The following GON4L variants were observed in gnomAD, a reference collection of about 807,000 sequenced individuals.
GON4L encodes gon-4 like, also known as GON-4-like protein.
GON4L carries 87 observed loss-of-function variants against 211.8 expected under a neutral mutation model. The ratio of observed to expected loss-of-function variants is 0.41; its 90% CI spans 0.35 to 0.49. GON4L has a LOEUF of 0.49. GON4L is among the 20% of genes least tolerant of loss of function. The pLI is 0.15. For missense variants in GON4L, 2,155 were observed against 2,659.5 expected (o/e 0.81, Z 4.17); for synonymous variants, 875 against 962.6 (o/e 0.91, Z 1.68).
At chr1:155,811,518 G>C (rs1348992339) in intron 10 of GON4L, among the ~76,000 whole-genome samples, 1 of 151,314 alleles carries the variant, frequency 6.6e-6, no homozygotes, top group Non-Finnish European at 1.5e-5. Flanking sequence ...CACTCTGGGA[G>C]GCTAAGGTGG....
chr1:155,836,439 A>G (rs958606751), intron 2 of GON4L, among the ~76,000 whole-genome samples: 4 of 151,898 alleles, frequency 2.6e-5, no homozygotes, highest in Admixed American at 1.3e-4. Flanking sequence ...TAGTAGAGAC[A>G]GGGTTTCACC....
chr1:155,779,114 C>T (rs1345777905), intron 14 of GON4L, among the ~76,000 whole-genome samples: 2 of 151,162 alleles, frequency 1.3e-5, no homozygotes, highest in Non-Finnish European at 2.9e-5. Flanking sequence ...ATTAGCTGGG[C>T]GCAGTCGTGG....
chr1:155,857,663 A>T (rs896955001), upstream of GON4L, among the ~76,000 whole-genome samples: 1 of 151,926 alleles, frequency 6.6e-6, no homozygotes, highest in Admixed American at 6.6e-5. Context: ...CGGGAGACGG[A>T]GGTGGCAGTG....
At chr1:155,775,518 G>GA (rs1663705883) in intron 16 of GON4L, among the ~76,000 whole-genome samples, 1 of 151,036 alleles carries the variant, frequency 6.6e-6, no homozygotes, top group Non-Finnish European at 1.5e-5. Flanking sequence ...GTAGTGGTGC[G>GA]ATCTTGACTC....
intron 14 of GON4L, among the ~76,000 whole-genome samples, chr1:155,782,131 T>C (rs1664481820): frequency 6.6e-6 from 1 of 151,756 alleles, no homozygotes; most frequent in Non-Finnish European, 1.5e-5. Context: ...CCAGGGTTTT[T>C]GTTTTGTTCT....
Position 155,766,802 on chromosome 1 carries a change from T to C in GON4L, c.2764-93A>G, listed in dbSNP as rs1662544497. The C allele has an allele frequency of 2.5e-6, 4 of 1,587,112 alleles. No homozygotes were observed. In the Admixed American group the frequency reaches 5.0e-5, roughly 20 times the overall value. On this transcript the variant is annotated intron_variant, in intron 20 of 31. Transcript: ENST00000368331. ...GGCTCACGCCTGTAATCCCAGCACT[T>C]TGGGAGGCTGAAGTGGGCAGATCAC...
At chr1:155,820,444 A>G (rs1668630385) in intron 6 of GON4L, among the ~76,000 whole-genome samples, 162 bp downstream of exon 6, 1 of 152,202 alleles carries the variant, frequency 6.6e-6, no homozygotes, top group Admixed American at 6.5e-5. Flanking sequence ...TATGATTATC[A>G]TAGCTTATGA....
chr1:155,745,597 A>C (rs985000566), downstream of GON4L, among the ~76,000 whole-genome samples: 3 of 152,212 alleles, frequency 2.0e-5, no homozygotes, highest in African/African-American at 7.2e-5. Flanking sequence ...AGCAGGAGCA[A>C]CGGCGTGGCC....
intron 14 of GON4L, among the ~76,000 whole-genome samples, chr1:155,782,102 G>A (rs1449130740): frequency 6.6e-6 from 1 of 152,212 alleles, no homozygotes; most frequent in East Asian, 1.9e-4. Context: ...GACAAGGGAA[G>A]CACAGATAAC....
Position 155,756,984 on chromosome 1 carries a change from C to A in GON4L, c.5491G>T (p.Glu1831Ter), listed in dbSNP as rs1472798455. 6.2e-7 allele frequency: 1 copy of A among 1,613,488 alleles called. No homozygotes were observed. Among genetic ancestry groups the A allele is most frequent in the African/African-American group, 1.3e-5 (1 of 74,874 alleles). The change falls in exon 27 of 32, where the codon GAG becomes TAG. Residue 1831 changes from glutamate (E) to a stop codon, truncating the protein, a stop_gained. Coordinates refer to ENST00000368331, the MANE Select transcript of GON4L (RefSeq NM_001282860.2). LOFTEE classifies it high-confidence loss of function. ...PTASKNKRKK[E>*]IGVQNHDKET... is the part of the protein sequence containing the mutation. ...TTATCATGATTTTGGACCCCGATCT[C>A]TTTTTTCCTCTTGTTCTTTGAGGCT...
chr1:155,748,113 T>A, downstream of GON4L: 1 of 1,604,302 alleles, frequency 6.2e-7, no homozygotes, highest in Non-Finnish European at 8.5e-7. Flanking sequence ...CAACTTCCCT[T>A]ACCTGCATTA....
intron 2 of GON4L, among the ~76,000 whole-genome samples, chr1:155,832,067 G>T (rs551615224): frequency 6.6e-6 from 1 of 151,944 alleles, no homozygotes; most frequent in East Asian, 1.9e-4. Context: ...TTGAGATCAG[G>T]AGTTCAAGAC....
intron 6 of GON4L, among the ~76,000 whole-genome samples, chr1:155,816,608 C>A (rs184801327): frequency 6.6e-6 from 1 of 152,054 alleles, no homozygotes; most frequent in Non-Finnish European, 1.5e-5. Context: ...ACTACACAAA[C>A]CTAAGATATT....
At position 155,853,474 on chromosome 1, in the gene GON4L, T is replaced by C. The variant is rs1671998466; in HGVS notation, c.307A>G (p.Ile103Val). ...AAAGACTCCAAGGAAGGTAGGGTGA[T>C]TCCCTGAGAGATGGCCACATCAACA... ...EGVDVAISQG[I>V]TLPSLESFHP... The change falls in exon 2 of 32, where the codon ATC becomes GTC. Residue 103 changes from isoleucine to valine, a missense_variant. Physicochemically the swap from Ile to Val is conservative, Grantham distance 29. This residue lies in a region of GON4L where 313 missense variants were observed against 293.2 expected (regional missense o/e 1.07). Transcript: ENST00000368331. 5 of 1,614,048 alleles carry C rather than the reference T, an allele frequency of 3.1e-6. No homozygotes were observed. Among genetic ancestry groups the C allele is most frequent in the Non-Finnish European group, 4.2e-6 (5 of 1,179,888 alleles).
chr1:155,815,860 G>C lies in GON4L; in HGVS notation c.1106C>G (p.Ser369Cys), dbSNP rs1429926866. 3.7e-6 allele frequency: 6 copies of C among 1,607,902 alleles called. No homozygotes were observed. The highest frequency in any genetic ancestry group is 4.3e-6 in the Non-Finnish European group (5 of 1,174,748). The change falls in exon 8 of 32, where the codon TCC (serine) becomes TGC (cysteine). Residue 369 changes from serine (S) to cysteine (C), a missense_variant. Physicochemically the swap from Ser to Cys is moderately radical, Grantham distance 112 (BLOSUM62 -1). Coordinates refer to ENST00000368331, the MANE Select transcript of GON4L (RefSeq NM_001282860.2). Reference protein sequence around the residue: ...FVDIHLEEDDSSDEEYQPDDE... With the variant: ...FVDIHLEEDDCSDEEYQPDDE... ...ATCCGGCTGGTATTCTTCATCTGAG[G>C]AATCATCTTCTTCAAGGTGGATATC...
intron 11 of GON4L, among the ~76,000 whole-genome samples, chr1:155,803,036 T>C (rs1666817135): frequency 6.6e-6 from 1 of 152,174 alleles, no homozygotes; most frequent in African/African-American, 2.4e-5. Context: ...TTTTATTCCA[T>C]GACCAAATGA....
Position 155,764,866 on chromosome 1 carries a change from C to T in GON4L, c.4473+134G>A, listed in dbSNP as rs147886854. The T allele has an allele frequency of 9.6e-5, 150 of 1,564,398 alleles. 3 individuals carry two copies. The East Asian group carries it at 3.3e-3, about 35-fold the overall frequency. ...TCACCTCAACTCCACAATCATGTCC[C>T]ATAATGCATTCACAAATCAAATACA... On this transcript the variant is annotated intron_variant, in intron 21 of 31. Coordinates refer to ENST00000368331, the MANE Select transcript of GON4L (RefSeq NM_001282860.2).
At chr1:155,810,249 C>A (rs1432367856) in intron 10 of GON4L, among the ~76,000 whole-genome samples, 4 of 151,280 alleles carry the variant, frequency 2.6e-5, no homozygotes, top group Non-Finnish European at 5.9e-5. Context: ...CCGCCTGGGC[C>A]TCTCAAAGTG....
At chr1:155,775,240 A>C in intron 16 of GON4L, 67 bp from the exon 17 acceptor site, 1 of 1,605,106 alleles carries the variant, frequency 6.2e-7, no homozygotes. Flanking sequence ...AGCCTTCAGA[A>C]TCTAAATGAG....
Sources: allele counts gnomAD v4.1 joint callset (sites outside exome capture counted in the v4.1 genomes callset), GRCh38; gene constraint gnomAD v4.1.1; regional missense constraint gnomAD v4.1.1; transcripts MANE v1.5; gene names NCBI Gene and HGNC (gene_info 2026-07-23, HGNC 2026-07-21).